The following CCDC102B variants were observed in gnomAD, a reference collection of about 807,000 sequenced individuals.
The protein encoded by CCDC102B is coiled-coil domain containing 102B.
A neutral mutation model predicts 57.4 loss-of-function variants in CCDC102B; 75 were observed. That is an observed-to-expected ratio of 1.31 (90% CI 1.08 to 1.58). The LOEUF (loss-of-function observed/expected upper bound fraction) is 1.58. Among genes scored for constraint, CCDC102B ranks in the 40% most tolerant of loss-of-function variants. The pLI is 0.00. For synonymous variants in CCDC102B, 206 were observed against 201.9 expected (o/e 1.02, Z -0.17); for missense variants, 636 against 582.6 (o/e 1.09, Z -0.94).
In CCDC102B at chr18:68,998,600, G is replaced by T. The variant is rs369982032; in HGVS notation, c.1264-12334G>T. Among the ~76,000 whole-genome samples, 16 of 151,452 alleles carry T rather than the reference G, an allele frequency of 1.1e-4. No individual in the cohort carries two copies. The South Asian group carries it at 2.5e-3, about 24-fold the overall frequency. Reference sequence around the variant, plus strand: ...TCCGAGTACCAAAACCCCCAAAGTAGGGAAGCCAACAGTTCAGCTTTCAGT... The same window carrying T: ...TCCGAGTACCAAAACCCCCAAAGTATGGAAGCCAACAGTTCAGCTTTCAGT... On this transcript the variant is annotated intron_variant, in intron 6 of 7. Coordinates refer to ENST00000360242, the MANE Select transcript of CCDC102B (RefSeq NM_024781.3).
intron 2 of CCDC102B, among the ~76,000 whole-genome samples, chr18:68,784,335 T>C (rs926675606): frequency 1.3e-5 from 2 of 151,998 alleles, no homozygotes; most frequent in Non-Finnish European, 2.9e-5. Context: ...GACACACATT[T>C]TTAAACAACC....
chr18:69,011,665 A>G (rs548712471), intron 7 of CCDC102B, among the ~76,000 whole-genome samples: 3 of 152,104 alleles, frequency 2.0e-5, no homozygotes, highest in South Asian at 2.1e-4. Flanking sequence ...AGTTACAAAC[A>G]AAGTTGTTTT....
intron 6 of CCDC102B, among the ~76,000 whole-genome samples, chr18:68,984,843 A>T (rs1487179301): frequency 6.6e-6 from 1 of 152,154 alleles, no homozygotes; most frequent in Non-Finnish European, 1.5e-5. Context: ...TTAATGTACT[A>T]GTTAACATTG....
chr18:68,757,091 A>G (rs1000718326), intron 2 of CCDC102B, among the ~76,000 whole-genome samples: 30 of 152,224 alleles, frequency 2.0e-4, no homozygotes, highest in African/African-American at 7.0e-4. Flanking sequence ...CTTAACTATT[A>G]CCAGAAAGCC....
At chr18:68,770,013 G>A (rs536905336) in intron 2 of CCDC102B, among the ~76,000 whole-genome samples, 296 of 152,312 alleles carry the variant, frequency 1.9e-3, no homozygotes, top group Non-Finnish European at 3.3e-3. Context: ...TACTTCATTA[G>A]TCCAGCTGGA....
At chr18:68,758,681 A>C (rs964569246) in intron 2 of CCDC102B, among the ~76,000 whole-genome samples, 1 of 151,366 alleles carries the variant, frequency 6.6e-6, no homozygotes. Flanking sequence ...CATGATATCT[A>C]TAGTTTTAAA....
At chr18:68,880,288 A>C (rs2144954416) in intron 5 of CCDC102B, among the ~76,000 whole-genome samples, 1 of 152,276 alleles carries the variant, frequency 6.6e-6, no homozygotes. Context: ...AGCTGCTCCG[A>C]GTGCGGGGCC....
intron 1 of CCDC102B, among the ~76,000 whole-genome samples, chr18:68,816,691 C>G (rs1035301689): frequency 6.6e-6 from 1 of 152,092 alleles, no homozygotes; most frequent in Non-Finnish European, 1.5e-5. Context: ...GTCTCGATAA[C>G]CTGACATCGT....
chr18:68,790,141 C>T (rs1287254650), intron 2 of CCDC102B, among the ~76,000 whole-genome samples: 4 of 150,216 alleles, frequency 2.7e-5, no homozygotes, highest in Admixed American at 6.6e-5. Context: ...TTAGGCTGCT[C>T]AGGGGTCAGG....
intron 2 of CCDC102B, among the ~76,000 whole-genome samples, chr18:68,782,563 G>T (rs2035042456): frequency 6.6e-6 from 1 of 152,084 alleles, no homozygotes; most frequent in Non-Finnish European, 1.5e-5. Flanking sequence ...TTTGACATCA[G>T]AGTTATGATA....
At chr18:68,880,780 T>C (rs1166660396) in intron 5 of CCDC102B, among the ~76,000 whole-genome samples, 1 of 152,230 alleles carries the variant, frequency 6.6e-6, no homozygotes, top group Admixed American at 6.5e-5. Context: ...TTATGATTAG[T>C]AAAATATGGC....
At chr18:68,995,553 G>A (rs2145339309) in intron 6 of CCDC102B, among the ~76,000 whole-genome samples, 1 of 152,202 alleles carries the variant, frequency 6.6e-6, no homozygotes, top group East Asian at 2.0e-4. Flanking sequence ...CAGGCCCCAA[G>A]ACTTGTCAGC....
At chr18:68,751,966 CAG>C (rs1319313973) in intron 2 of CCDC102B, among the ~76,000 whole-genome samples, 14 of 152,144 alleles carry the variant, frequency 9.2e-5, no homozygotes, top group Admixed American at 8.5e-4. Flanking sequence ...GAAAAAAAGA[CAG>C]AAACGCATCA....
intron 7 of CCDC102B, among the ~76,000 whole-genome samples, chr18:69,038,805 C>T (rs1239212498): frequency 2.0e-5 from 3 of 151,946 alleles, no homozygotes; most frequent in East Asian, 3.9e-4. Context: ...GTATTCCTAA[C>T]AAATATGCAT....
intron 7 of CCDC102B, among the ~76,000 whole-genome samples, chr18:69,022,109 G>A (rs2051850930): frequency 6.6e-6 from 1 of 151,622 alleles, no homozygotes; most frequent in South Asian, 2.1e-4. Flanking sequence ...CGGGTTATAT[G>A]GAAAGACTTA....
intron 7 of CCDC102B, among the ~76,000 whole-genome samples, chr18:69,023,875 A>C (rs911830417): frequency 6.6e-6 from 1 of 152,114 alleles, no homozygotes; most frequent in African/African-American, 2.4e-5. Context: ...ATTACCAAGC[A>C]TAATTTGTAA....
chr18:68,874,813 T>A, intron 5 of CCDC102B, 28 bp downstream of exon 5: 1 of 1,325,526 alleles, frequency 7.5e-7, no homozygotes, highest in Non-Finnish European at 1.1e-6. Context: ...GAGTACCATA[T>A]ATATTAAAAC....
chr18:68,840,087 G>A (rs566576995), intron 3 of CCDC102B, among the ~76,000 whole-genome samples: 23 of 152,126 alleles, frequency 1.5e-4, no homozygotes, highest in African/African-American at 3.6e-4. Context: ...ATGGATTTTC[G>A]TTTCTATGCA....
chr18:69,045,261 A>G (rs2052531814), intron 7 of CCDC102B, among the ~76,000 whole-genome samples: 1 of 152,096 alleles, frequency 6.6e-6, no homozygotes, highest in Non-Finnish European at 1.5e-5. Context: ...ATATCAAAAC[A>G]TGACAAATGA....
Sources: gnomAD v4.1 joint callset for allele counts (sites outside exome capture counted in the v4.1 genomes callset) on GRCh38, gnomAD v4.1.1 for gene constraint, MANE v1.5 for transcripts, NCBI Gene and HGNC (gene_info 2026-07-23, HGNC 2026-07-21) for gene names.